The following RUBCNL variants were observed in gnomAD, a reference collection of about 807,000 sequenced individuals.
RUBCNL encodes the protein rubicon like autophagy enhancer.
RUBCNL carries 62 observed loss-of-function variants against 69.5 expected under a neutral mutation model. That is an observed-to-expected ratio of 0.89 (90% CI 0.73 to 1.10). RUBCNL has a LOEUF of 1.10. Among genes scored for constraint, RUBCNL ranks in the 50% least tolerant of loss-of-function variants. The pLI is 0.00. For missense variants in RUBCNL, 768 were observed against 798.1 expected (o/e 0.96, Z 0.45); for synonymous variants, 291 against 303.6 (o/e 0.96, Z 0.43).
intron 14 of RUBCNL, among the ~76,000 whole-genome samples, chr13:46,344,462 G>A (rs889748384): frequency 6.6e-6 from 1 of 152,094 alleles, no homozygotes; most frequent in Non-Finnish European, 1.5e-5. Flanking sequence ...ACAGAGAGGT[G>A]GGCACAGGCA....
intron 5 of RUBCNL, among the ~76,000 whole-genome samples, chr13:46,367,222 TTCTACA>T (rs1280768386): frequency 6.6e-6 from 1 of 152,178 alleles, no homozygotes; most frequent in Non-Finnish European, 1.5e-5. Context: ...CCCACCTCTG[TTCTACA>T]GGTTACCCCA....
upstream of RUBCNL, among the ~76,000 whole-genome samples, chr13:46,388,199 CAAAAAA>C (rs71074779): frequency 1.2e-4 from 8 of 68,202 alleles, no homozygotes; most frequent in Admixed American, 2.1e-4. Flanking sequence ...GCAAGACTGT[CAAAAAA>C]AAAAAAAAAA....
At chr13:46,386,167 GCCATT>G (rs1333884326) in intron 1 of RUBCNL, among the ~76,000 whole-genome samples, 1 of 152,064 alleles carries the variant, frequency 6.6e-6, no homozygotes, top group Non-Finnish European at 1.5e-5. Context: ...CTCCCTCCAG[GCCATT>G]AACCTTCTAA....
In RUBCNL at chr13:46,338,014, A is replaced by G. The variant is rs370661289; in HGVS notation, c.*5371T>C. Among the ~76,000 whole-genome samples, 341 of 152,300 alleles carry G rather than the reference A, an allele frequency of 2.2e-3. 4 individuals carry two copies. Among genetic ancestry groups the G allele is most frequent in the South Asian group, 0.012 (56 of 4,824 alleles). ...AAAAGTTCAGAGAGCTGTCCCCAGT[A>G]GAATAATGAGGTAAATGCAGATATC... On this transcript the variant is annotated 3_prime_UTR_variant, in exon 15 of 15. Coordinates refer to ENST00000429979, the MANE Select transcript of RUBCNL (RefSeq NM_025113.5).
In RUBCNL at chr13:46,364,877, C is replaced by T. The variant is rs540825887; in HGVS notation, c.827-1664G>A. Reference sequence around the variant, plus strand: ...TTCATTTAACATATTCATATTTATTCATGTTTTCTTAAAGTTTCAGCTACC... The same window carrying T: ...TTCATTTAACATATTCATATTTATTTATGTTTTCTTAAAGTTTCAGCTACC... On this transcript the variant is annotated intron_variant, in intron 5 of 14. Coordinates refer to ENST00000429979, the MANE Select transcript of RUBCNL (RefSeq NM_025113.5). Among the ~76,000 whole-genome samples the T allele has an allele frequency of 6.6e-5, 10 of 152,064 alleles. No individual in the cohort carries two copies. In the South Asian group the frequency reaches 2.1e-3, roughly 32 times the overall value.
intron 5 of RUBCNL, 30 bp downstream of exon 5, chr13:46,368,012 A>G (rs778184030): frequency 1.9e-6 from 3 of 1,593,718 alleles, no homozygotes; most frequent in Non-Finnish European, 2.6e-6. Context: ...AACACATAAC[A>G]TACAGCTTTC....
At chr13:46,380,798 CA>C (rs2049100876) in intron 1 of RUBCNL, among the ~76,000 whole-genome samples, 1 of 151,996 alleles carries the variant, frequency 6.6e-6, no homozygotes, top group Non-Finnish European at 1.5e-5. Context: ...TCTTTCTTTC[CA>C]ATGAATCATC....
At position 46,339,576 on chromosome 13, in the gene RUBCNL, G is replaced by A. The variant is rs1178897916; in HGVS notation, c.*3809C>T. 1.3e-5 allele frequency among the ~76,000 whole-genome samples: 2 copies of A among 152,144 alleles called. No individual in the cohort carries two copies. Among genetic ancestry groups the A allele is most frequent in the Admixed American group, 6.5e-5 (1 of 15,274 alleles). On this transcript the variant is annotated 3_prime_UTR_variant, in exon 15 of 15. Transcript: ENST00000429979. Reference sequence around the variant, plus strand: ...ACACTCTGGGTGGTTTAAAACAACAGGGTCAGGCGCAGTGGCTCAGGCCTG... The same window carrying A: ...ACACTCTGGGTGGTTTAAAACAACAAGGTCAGGCGCAGTGGCTCAGGCCTG...
chr13:46,357,038 C>T (rs1443512960), intron 9 of RUBCNL, among the ~76,000 whole-genome samples: 1 of 147,728 alleles, frequency 6.8e-6, no homozygotes, highest in African/African-American at 2.5e-5. Flanking sequence ...CTTAAAGCTA[C>T]ATCTCTTTAA....
rs1285531440 is a variant in RUBCNL at position 46,344,756 on chromosome 13, A to G, written c.1861T>C (p.Cys621Arg). ...TATTAAATACCTGAACATCTTCTAC[A>G]TGTTGCTGTCTGAAATGGGAAGATG... ...TVIFPFQTAT[C>R]RRCSACRACF... Residue 621 changes from cysteine to arginine, a missense_variant, in exon 14 of 15, where the codon TGT (cysteine) becomes CGT (arginine). Physicochemically the swap from Cys to Arg is radical, Grantham distance 180. Coordinates refer to ENST00000429979, the MANE Select transcript of RUBCNL (RefSeq NM_025113.5). 6.2e-7 allele frequency: 1 copy of G among 1,607,922 alleles called. No individual in the cohort carries two copies. The highest frequency in any genetic ancestry group is 8.5e-7 in the Non-Finnish European group (1 of 1,175,944).
At position 46,368,253 on chromosome 13, in the gene RUBCNL, CA is replaced by C. The variant is rs2048803228; in HGVS notation, c.619-5del. On this transcript the variant is annotated splice_region_variant and splice_polypyrimidine_tract_variant and intron_variant, in intron 4 of 14. Coordinates refer to ENST00000429979, the MANE Select transcript of RUBCNL (RefSeq NM_025113.5). ...CAACATAAAAGTGGGCATTTTCCTGCAGAAAAAGAAATCAATTAAAATACAA... is the reference window on the plus strand; with the variant it reads ...CAACATAAAAGTGGGCATTTTCCTGCGAAAAAGAAATCAATTAAAATACAA... 6.2e-7 allele frequency: 1 copy of C among 1,609,382 alleles called. No individual in the cohort carries two copies. The highest frequency in any genetic ancestry group is 1.7e-5 in the Admixed American group (1 of 59,314).
chr13:46,382,920 T>C (rs1370032596), intron 1 of RUBCNL, among the ~76,000 whole-genome samples: 3 of 152,214 alleles, frequency 2.0e-5, no homozygotes, highest in Non-Finnish European at 2.9e-5. Context: ...AAAAGTTAAG[T>C]ATTGTGGTTA....
chr13:46,362,972 A>ATATC (rs2048665488), intron 6 of RUBCNL, 143 bp downstream of exon 6: 2 of 158,752 alleles, frequency 1.3e-5, no homozygotes, highest in Non-Finnish European at 2.4e-5. Flanking sequence ...ATATATATAT[A>ATATC]TATCAGGGCC....
In RUBCNL at chr13:46,377,929, G is replaced by A. The variant is rs771423207; in HGVS notation, c.-162C>T. The A allele has an allele frequency of 1.8e-5, 29 of 1,609,944 alleles. No individual in the cohort carries two copies. The African/African-American group carries it at 2.8e-4, about 16-fold the overall frequency. The stretch of plus-strand genomic sequence containing the variant: ...TCTCGAAGAGGCAGATTGACACAGA[G>A]GAGAAAGTAATGATTGGAAACCATC... On this transcript the variant is annotated 5_prime_UTR_variant, in exon 2 of 15. Coordinates refer to ENST00000429979, the MANE Select transcript of RUBCNL (RefSeq NM_025113.5).
Position 46,372,250 on chromosome 13 carries a change from T to C in RUBCNL, c.226A>G (p.Ser76Gly). ...GCATCTGTCACAAAATGGGTCCCAC[T>C]GTTCCCTGCTGCTGGCACCTGAGAT... is the stretch of plus-strand genomic sequence containing the variant. Reference protein sequence around the residue: ...LQSQVPAAGNSGTHFVTDAAS... With the variant: ...LQSQVPAAGNGGTHFVTDAAS... Residue 76 changes from serine (S) to glycine (G), a missense_variant, in exon 3 of 15, where the codon AGT becomes GGT. Physicochemically the swap from Ser to Gly is moderately conservative, Grantham distance 56 (BLOSUM62 0). Coordinates refer to ENST00000429979, the MANE Select transcript of RUBCNL (RefSeq NM_025113.5). 6.2e-7 allele frequency: 1 copy of C among 1,614,014 alleles called. No homozygotes were observed. Among genetic ancestry groups the C allele is most frequent in the Non-Finnish European group, 8.5e-7 (1 of 1,179,882 alleles).
upstream of RUBCNL, chr13:46,387,387 G>A: frequency 1.0e-6 from 1 of 985,510 alleles, no homozygotes; most frequent in South Asian, 4.7e-5. Context: ...CAGGCACCGA[G>A]ACGTCGCCCA....
chr13:46,351,532 GTGTT>G (rs1396292179), intron 10 of RUBCNL, among the ~76,000 whole-genome samples: 4 of 152,130 alleles, frequency 2.6e-5, no homozygotes, highest in African/African-American at 7.2e-5. Flanking sequence ...ATATAAAAAG[GTGTT>G]CATTACAGCA....
At chr13:46,358,606 T>A (rs1032982873) in intron 9 of RUBCNL, among the ~76,000 whole-genome samples, 2 of 152,164 alleles carry the variant, frequency 1.3e-5, no homozygotes, top group Admixed American at 1.3e-4. Context: ...CAAGCTGGAG[T>A]GCACTGGTGC....
chr13:46,356,855 G>A (rs1042005392), intron 9 of RUBCNL, among the ~76,000 whole-genome samples: 2 of 150,374 alleles, frequency 1.3e-5, no homozygotes, highest in East Asian at 3.9e-4. Context: ...ACATGTACAC[G>A]CCACCATGCC....
Sources: allele counts gnomAD v4.1 joint callset (sites outside exome capture counted in the v4.1 genomes callset), GRCh38; gene constraint gnomAD v4.1.1; transcripts MANE v1.5; gene names NCBI Gene and HGNC (gene_info 2026-07-23, HGNC 2026-07-21).